The following GNAQ variants were observed in gnomAD, a reference collection of about 807,000 sequenced individuals.
GNAQ encodes guanine nucleotide-binding protein G(q) subunit alpha.
In GNAQ, 8 loss-of-function variants were observed where a neutral mutation model predicts 43.9. That is an observed-to-expected ratio of 0.18 (90% CI 0.11 to 0.33). The LOEUF is 0.33. Ranked by LOEUF, GNAQ falls within the 10% of genes least tolerant of loss-of-function variation. GNAQ has a pLI of 1.00. For synonymous variants in GNAQ, 155 were observed against 170.7 expected, an observed-to-expected ratio of 0.91 and a Z score of 0.71; for missense variants, 158 against 450.8, an observed-to-expected ratio of 0.35 and a Z score of 5.88.
chr9:77,810,287 T>C (rs192362845), intron 3 of GNAQ, among the ~76,000 whole-genome samples: 4 of 152,190 alleles, frequency 2.6e-5, no homozygotes, highest in African/African-American at 2.4e-5. Context: ...CCATCCATCC[T>C]GTGTGAGGCT....
intron 1 of GNAQ, among the ~76,000 whole-genome samples, chr9:77,941,636 T>C (rs1361229622): frequency 1.3e-5 from 2 of 152,178 alleles, no homozygotes; most frequent in East Asian, 3.8e-4. Flanking sequence ...TGCTCATGTA[T>C]GTTGCAAATA....
chr9:77,891,218 T>G (rs114510502), intron 2 of GNAQ, among the ~76,000 whole-genome samples: 1,843 of 152,342 alleles, frequency 0.012, 31 homozygotes, highest in African/African-American at 0.041. Flanking sequence ...TATTCTCATC[T>G]AAATTATTCT....
intron 5 of GNAQ, among the ~76,000 whole-genome samples, chr9:77,746,312 A>C (rs945082731): frequency 5.3e-5 from 8 of 152,204 alleles, no homozygotes; most frequent in African/African-American, 1.9e-4. Context: ...CAGGGAACTC[A>C]ACACAAGAAA....
intron 5 of GNAQ, among the ~76,000 whole-genome samples, chr9:77,775,680 G>A (rs1021155597): frequency 6.6e-6 from 1 of 151,678 alleles, no homozygotes; most frequent in Admixed American, 6.6e-5. Context: ...TTACAGGCAT[G>A]AGCCACCACG....
chr9:77,897,283 T>G (rs536230352), intron 2 of GNAQ, among the ~76,000 whole-genome samples: 1 of 152,312 alleles, frequency 6.6e-6, no homozygotes, highest in East Asian at 1.9e-4. Context: ...ATGATGAAGC[T>G]CTATTGAATG....
intron 1 of GNAQ, among the ~76,000 whole-genome samples, 186 bp downstream of exon 1, chr9:78,030,914 T>C (rs1824047671): frequency 6.6e-6 from 1 of 151,116 alleles, no homozygotes; most frequent in African/African-American, 2.4e-5. Flanking sequence ...TGTGTGTGTG[T>C]GTGTGTCTGT....
intron 5 of GNAQ, among the ~76,000 whole-genome samples, chr9:77,784,518 C>T (rs773867199): frequency 2.0e-5 from 3 of 151,996 alleles, no homozygotes; most frequent in Non-Finnish European, 2.9e-5. Context: ...AAACGTGAAA[C>T]TATGCAGATA....
At chr9:77,850,507 G>A (rs1827656782) in intron 2 of GNAQ, among the ~76,000 whole-genome samples, 1 of 152,142 alleles carries the variant, frequency 6.6e-6, no homozygotes, top group Non-Finnish European at 1.5e-5. Context: ...TCTCCACAGT[G>A]TGATGGAATG....
At chr9:77,895,197 CA>C (rs35874480) in intron 2 of GNAQ, among the ~76,000 whole-genome samples, 75,720 of 115,434 alleles carry the variant, frequency 0.66, 22,818 homozygotes, top group Middle Eastern at 0.74. Flanking sequence ...GACTCCATCT[CA>C]AAAAAAAAAA....
At chr9:78,000,176 A>T (rs1375343345) in intron 1 of GNAQ, among the ~76,000 whole-genome samples, 1 of 152,212 alleles carries the variant, frequency 6.6e-6, no homozygotes, top group Admixed American at 6.5e-5. Context: ...AAAAGAGGGT[A>T]ATTAGCATCA....
chr9:77,975,698 C>A (rs1270433375), intron 1 of GNAQ, among the ~76,000 whole-genome samples: 1 of 152,058 alleles, frequency 6.6e-6, no homozygotes, highest in African/African-American at 2.4e-5. Context: ...CACCACCATG[C>A]CCAGCTAATT....
chr9:77,731,289 T>C (rs1825483902), intron 5 of GNAQ, among the ~76,000 whole-genome samples: 1 of 152,164 alleles, frequency 6.6e-6, no homozygotes, highest in Admixed American at 6.5e-5. Context: ...GTCTCTCTGA[T>C]TAACAATTTC....
chr9:77,862,643 TG>T, intron 2 of GNAQ, among the ~76,000 whole-genome samples: 1 of 152,082 alleles, frequency 6.6e-6, no homozygotes, highest in African/African-American at 2.4e-5. Flanking sequence ...TAGGAGAGGG[TG>T]CTGAAAAGGT....
At chr9:77,801,003 C>G (rs1054673545) in intron 3 of GNAQ, among the ~76,000 whole-genome samples, 1 of 152,180 alleles carries the variant, frequency 6.6e-6, no homozygotes, top group African/African-American at 2.4e-5. Context: ...GAGGTCAGAA[C>G]AGAGGGCTGT....
rs1002664228 is a variant in GNAQ, at chr9:77,970,236, C to A, written c.137-47891G>T. On this transcript the variant is annotated intron_variant, in intron 1 of 6. Coordinates refer to ENST00000286548, the MANE Select transcript of GNAQ (RefSeq NM_002072.5). ...CTCCATCTCCACAAAAAAAAAAAAACAAACAAACAAACAAAAAAAACTGAC... is the reference window on the plus strand; with the variant it reads ...CTCCATCTCCACAAAAAAAAAAAAAAAAACAAACAAACAAAAAAAACTGAC... 6.7e-5 allele frequency among the ~76,000 whole-genome samples: 10 copies of A among 150,308 alleles called. No individual in the cohort carries two copies. The East Asian group carries it at 7.8e-4, about 12-fold the overall frequency.
At chr9:77,912,915 T>G (rs1034544567) in intron 2 of GNAQ, among the ~76,000 whole-genome samples, 2 of 152,172 alleles carry the variant, frequency 1.3e-5, no homozygotes, top group African/African-American at 4.8e-5. Context: ...GTGAAAGGAC[T>G]GCTTGAGCCC....
chr9:77,766,562 G>T (rs1826140206), intron 5 of GNAQ, among the ~76,000 whole-genome samples: 1 of 152,144 alleles, frequency 6.6e-6, no homozygotes, highest in African/African-American at 2.4e-5. Flanking sequence ...ATCCAGAAGA[G>T]AAATGAGCTT....
chr9:78,005,019 T>C (rs1443103777), intron 1 of GNAQ, among the ~76,000 whole-genome samples: 1 of 152,062 alleles, frequency 6.6e-6, no homozygotes, highest in Non-Finnish European at 1.5e-5. Context: ...ATGAATGCAA[T>C]GTAATTAATG....
chr9:77,901,187 T>G (rs919243746), intron 2 of GNAQ, among the ~76,000 whole-genome samples: 2 of 152,120 alleles, frequency 1.3e-5, no homozygotes, highest in Non-Finnish European at 2.9e-5. Context: ...ACTGTCACAC[T>G]CTCATGCCAC....
Sources: gnomAD v4.1 joint callset for allele counts (sites outside exome capture counted in the v4.1 genomes callset) on GRCh38, gnomAD v4.1.1 for gene constraint, MANE v1.5 for transcripts, NCBI Gene and HGNC (gene_info 2026-07-23, HGNC 2026-07-21) for gene names.